INTS2: variants seen among roughly 807,000 people sequenced by gnomAD.
The protein encoded by INTS2 is integrator complex subunit 2.
A neutral mutation model predicts 139.6 loss-of-function variants in INTS2; 57 were observed. That is an observed-to-expected ratio of 0.41 (90% confidence interval 0.33 to 0.51). The LOEUF is 0.51. Ranked by LOEUF, INTS2 falls within the 20% of genes least tolerant of loss-of-function variation. INTS2 has a pLI of 0.28. For synonymous variants in INTS2, 473 were observed against 493.4 expected, an observed-to-expected ratio of 0.96 and a Z score of 0.55; for missense variants, 1,196 against 1,436.7, an observed-to-expected ratio of 0.83 and a Z score of 2.71.
intron 5 of INTS2, among the ~76,000 whole-genome samples, chr17:61,913,066 A>G (rs2057492794): frequency 6.6e-6 from 1 of 152,028 alleles, no homozygotes; most frequent in African/African-American, 2.4e-5. Flanking sequence ...ACACAGCAAG[A>G]CTCCATCTCC....
At chr17:61,927,568 T>G in intron 1 of INTS2, 86 bp downstream of exon 1, 1 of 1,017,000 alleles carries the variant, frequency 9.8e-7, no homozygotes, top group African/African-American at 1.7e-5. Context: ...CTAGAACCAA[T>G]AAGTCCCTCA....
At chr17:61,915,344 AT>A (rs1273862046) in intron 5 of INTS2, among the ~76,000 whole-genome samples, 75 of 105,046 alleles carry the variant, frequency 7.1e-4, no homozygotes, top group African/African-American at 2.2e-3. Context: ...TCTCAAAAAA[AT>A]AAATAAATAA....
At chr17:61,881,421 AC>A (rs1282064449) in intron 16 of INTS2, among the ~76,000 whole-genome samples, 2 of 152,042 alleles carry the variant, frequency 1.3e-5, no homozygotes, top group Admixed American at 6.6e-5. Flanking sequence ...ACATGGCAAA[AC>A]CCCGTATCTA....
intron 15 of INTS2, among the ~76,000 whole-genome samples, chr17:61,886,095 G>A (rs976424241): frequency 6.6e-6 from 1 of 151,816 alleles, no homozygotes; most frequent in Non-Finnish European, 1.5e-5. Flanking sequence ...CTGTCACCCA[G>A]GCTGGTATGC....
rs2145896134 is a variant in INTS2 at position 61,868,196 on chromosome 17, C to T, written c.3245-187G>A. Among the ~76,000 whole-genome samples the T allele has an allele frequency of 6.6e-6, 1 of 152,188 alleles. No homozygotes were observed. The highest frequency in any genetic ancestry group is 2.1e-4 in the South Asian group (1 of 4,820). Reference sequence around the variant, plus strand: ...TATCCAAGATACAAATTATTATGCACAAGTTTTGCAATAAGTACATTACAT... The same window carrying T: ...TATCCAAGATACAAATTATTATGCATAAGTTTTGCAATAAGTACATTACAT... On this transcript the variant is annotated intron_variant, in intron 23 of 24. Transcript: ENST00000251334. The surrounding 1 kb of genome is among the most constrained non-coding windows in gnomAD (Gnocchi z 4.7).
chr17:61,879,071 C>CTTTTTTTTT (rs943506280), intron 17 of INTS2, among the ~76,000 whole-genome samples: 1 of 34,432 alleles, frequency 2.9e-5, no homozygotes, highest in Non-Finnish European at 4.9e-5. Flanking sequence ...CCAGGCTGGT[C>CTTTTTTTTT]TTTTTTTTTT....
rs919700576 is a variant in INTS2, at chr17:61,909,693, A to G, written c.954+1827T>C. Among the ~76,000 whole-genome samples, 2 of 152,144 alleles carry G rather than the reference A, an allele frequency of 1.3e-5. No homozygotes were observed. The highest frequency in any genetic ancestry group is 2.9e-5 in the Non-Finnish European group (2 of 68,026). On this transcript the variant is annotated intron_variant, in intron 7 of 24. Coordinates refer to ENST00000251334, the MANE Select transcript of INTS2 (RefSeq NM_001351695.2). The surrounding 1 kb of genome is among the most constrained non-coding windows in gnomAD (Gnocchi z 4.9). Reference sequence around the variant, plus strand: ...TTGTTTATGCGTTATTTCACTTAATATAATGGCCTCCAGTTCCATCCATGT... The same window carrying G: ...TTGTTTATGCGTTATTTCACTTAATGTAATGGCCTCCAGTTCCATCCATGT...
chr17:61,901,752 G>A (rs749998031), intron 9 of INTS2, among the ~76,000 whole-genome samples: 2 of 151,388 alleles, frequency 1.3e-5, no homozygotes, highest in African/African-American at 2.4e-5. Context: ...CACCATGACC[G>A]GCTAATATTT....
rs180736736 is a variant in INTS2 at position 61,870,911 on chromosome 17, T to C, written c.2779-923A>G. On this transcript the variant is annotated intron_variant, in intron 20 of 24. Coordinates refer to ENST00000251334, the MANE Select transcript of INTS2 (RefSeq NM_001351695.2). This position sits in a 1 kb window ranked among gnomAD's most constrained non-coding sequence, Gnocchi z 4.4. Reference sequence around the variant, plus strand: ...AACCATGAGCAAGTCACTTAACTTCTCTGGGTCACATTTTCCTACTCTGTA... The same window carrying C: ...AACCATGAGCAAGTCACTTAACTTCCCTGGGTCACATTTTCCTACTCTGTA... Among the ~76,000 whole-genome samples the C allele has an allele frequency of 2.0e-5, 3 of 152,294 alleles. No individual in the cohort carries two copies. In the East Asian group the frequency reaches 5.8e-4, roughly 29 times the overall value.
At chr17:61,904,148 A>C (rs943756700) in intron 9 of INTS2, among the ~76,000 whole-genome samples, 1 of 152,196 alleles carries the variant, frequency 6.6e-6, no homozygotes, top group Non-Finnish European at 1.5e-5. Context: ...TTTTAAAAAA[A>C]TACAAATAAG....
At chr17:61,874,774 G>C (rs1330025095) in intron 19 of INTS2, 139 bp downstream of exon 19, 1 of 484,402 alleles carries the variant, frequency 2.1e-6, no homozygotes, top group Non-Finnish European at 3.3e-6. Flanking sequence ...AAAAAAATAA[G>C]ACAAAAAACC....
chr17:61,918,386 C>A (rs1442310229), intron 5 of INTS2, among the ~76,000 whole-genome samples: 1 of 152,144 alleles, frequency 6.6e-6, no homozygotes, highest in Admixed American at 6.6e-5. Context: ...AGATTACAGG[C>A]ATCCACCACC....
chr17:61,875,960 G>A lies in INTS2; in HGVS notation c.2457-922C>T, dbSNP rs1244669642. On this transcript the variant is annotated intron_variant, in intron 18 of 24. Coordinates refer to ENST00000251334, the MANE Select transcript of INTS2 (RefSeq NM_001351695.2). This position sits in a 1 kb window ranked among gnomAD's most constrained non-coding sequence, Gnocchi z 4.6. The stretch of plus-strand genomic sequence containing the variant: ...GAGGCAGAAGGTTCGCTTGAGCCCA[G>A]GAGTTCAAGACTAGCCTGGGCAGCA... Among the ~76,000 whole-genome samples the A allele has an allele frequency of 6.6e-6, 1 of 151,866 alleles. No individual in the cohort carries two copies. The highest frequency in any genetic ancestry group is 1.5e-5 in the Non-Finnish European group (1 of 67,980).
At position 61,924,956 on chromosome 17, in the gene INTS2, T is replaced by A; in HGVS notation, c.432+5A>T. The A allele has an allele frequency of 1.9e-6, 3 of 1,610,706 alleles. No homozygotes were observed. Among genetic ancestry groups the A allele is most frequent in the South Asian group, 1.1e-5 (1 of 90,324 alleles). ...TACTTTGAGCTGTGGTTAAAAGAAA[T>A]GCACCTTGTTCATAATTGCCAACAG... On this transcript the variant is annotated splice_donor_5th_base_variant and intron_variant, in intron 3 of 24. Transcript: ENST00000251334.
At chr17:61,888,017 A>G (rs1017044185) in intron 15 of INTS2, among the ~76,000 whole-genome samples, 2 of 152,124 alleles carry the variant, frequency 1.3e-5, no homozygotes, top group Non-Finnish European at 1.5e-5. Flanking sequence ...GCACCACTGC[A>G]TTCCAGCCTG....
At chr17:61,922,511 C>CATATATATATATATATATATATATAT (rs60100593) in intron 3 of INTS2, among the ~76,000 whole-genome samples, 1 of 73,214 alleles carries the variant, frequency 1.4e-5, no homozygotes, top group Non-Finnish European at 2.8e-5. Flanking sequence ...AACAAACAAA[C>CATATATATATATATATATATATATAT]ATATATATAT....
chr17:61,902,129 T>A (rs2079413336), intron 9 of INTS2, among the ~76,000 whole-genome samples: 1 of 152,164 alleles, frequency 6.6e-6, no homozygotes, highest in Non-Finnish European at 1.5e-5. Context: ...GTGTGGCCTA[T>A]TTGTTTTTAA....
At chr17:61,892,012 A>G (rs2079300073) in intron 13 of INTS2, among the ~76,000 whole-genome samples, 1 of 152,048 alleles carries the variant, frequency 6.6e-6, no homozygotes, top group Non-Finnish European at 1.5e-5. Context: ...GTCATGGGAG[A>G]GCTCACGTTA....
At chr17:61,925,812 G>A (rs1001070054) in intron 2 of INTS2, among the ~76,000 whole-genome samples, 3 of 151,770 alleles carry the variant, frequency 2.0e-5, no homozygotes, top group African/African-American at 7.3e-5. Flanking sequence ...ATCACCTGAG[G>A]CCAGGAGTTG....
Sources: allele counts gnomAD v4.1 joint callset (sites outside exome capture counted in the v4.1 genomes callset), GRCh38; gene constraint gnomAD v4.1.1; non-coding constraint Gnocchi (gnomAD v3.1); transcripts MANE v1.5; gene names NCBI Gene and HGNC (gene_info 2026-07-23, HGNC 2026-07-21).